The following MMP26 variants were observed in gnomAD, a reference collection of about 807,000 sequenced individuals.
MMP26 encodes the protein matrix metallopeptidase 26.
Under a neutral mutation model 31.0 loss-of-function variants are expected in MMP26, and 33 were observed. The observed-to-expected ratio is 1.06, with a 90% CI of 0.81 to 1.42. The LOEUF (loss-of-function observed/expected upper bound fraction) is 1.42. Among genes scored for constraint, MMP26 ranks in the 40% most tolerant of loss-of-function variants. The pLI, the probability that MMP26 is intolerant of heterozygous loss-of-function variation, is 0.00. For missense variants in MMP26, 347 were observed against 316.1 expected, an observed-to-expected ratio of 1.10 and a Z score of -0.74; for synonymous variants, 122 against 114.9, an observed-to-expected ratio of 1.06 and a Z score of -0.40.
At chr11:4,729,081 C>A (rs1848139728) in intron 1 of MMP26, among the ~76,000 whole-genome samples, 1 of 151,256 alleles carries the variant, frequency 6.6e-6, no homozygotes, top group African/African-American at 2.4e-5. Context: ...CAATTTTTTG[C>A]CATGACTAAA....
chr11:4,923,435 C>T lies in MMP26; in HGVS notation c.-144-64633C>T, dbSNP rs764009160. Reference sequence around the variant, plus strand: ...CTGAAACTTCTTAATGATGCGCTGGCGAATTTGCTTGGTCTTGATGCTGTA... The same window carrying T: ...CTGAAACTTCTTAATGATGCGCTGGTGAATTTGCTTGGTCTTGATGCTGTA... On this transcript the variant is annotated intron_variant, in intron 2 of 7. Coordinates refer to ENST00000380390, the MANE Select transcript of MMP26 (RefSeq NM_021801.5). The T allele has an allele frequency of 3.8e-6, 6 of 1,599,612 alleles. No individual in the cohort carries two copies. The highest frequency in any genetic ancestry group is 3.4e-6 in the Non-Finnish European group (4 of 1,171,708).
intron 6 of MMP26, 143 bp from the exon 7 acceptor site, chr11:4,991,821 C>T: frequency 2.6e-6 from 2 of 763,890 alleles, no homozygotes; most frequent in Non-Finnish European, 2.0e-6. Context: ...TTCTTTCCCT[C>T]CTTGCCTACC....
At chr11:4,880,010 T>C (rs1337060155) in intron 2 of MMP26, among the ~76,000 whole-genome samples, 3 of 152,142 alleles carry the variant, frequency 2.0e-5, no homozygotes, top group African/African-American at 7.2e-5. Flanking sequence ...TATTACTGTC[T>C]GCCTCCAGGG....
intron 1 of MMP26, among the ~76,000 whole-genome samples, chr11:4,726,976 A>G (rs370302711): frequency 6.6e-6 from 1 of 152,188 alleles, no homozygotes; most frequent in Non-Finnish European, 1.5e-5. Context: ...TGATTATGCC[A>G]TTGCACTCCA....
chr11:4,902,574 T>G (rs1010792527), intron 2 of MMP26, among the ~76,000 whole-genome samples: 2 of 152,200 alleles, frequency 1.3e-5, no homozygotes, highest in African/African-American at 2.4e-5. Context: ...ACTTTTTAGT[T>G]GTGTTGTTTG....
At chr11:4,814,621 C>G (rs565604532) in intron 2 of MMP26, among the ~76,000 whole-genome samples, 1 of 152,196 alleles carries the variant, frequency 6.6e-6, no homozygotes, top group South Asian at 2.1e-4. Context: ...TTCTACAAAC[C>G]AGGTTGTGTT....
intron 2 of MMP26, among the ~76,000 whole-genome samples, chr11:4,863,050 T>A (rs1399877196): frequency 6.6e-6 from 1 of 152,164 alleles, no homozygotes; most frequent in African/African-American, 2.4e-5. Flanking sequence ...ACCAGCTGGT[T>A]CATCCCTACT....
rs779494395 is a variant in MMP26, at chr11:4,991,445, C to G, written c.544C>G (p.Pro182Ala). The G allele has an allele frequency of 3.5e-5, 57 of 1,613,874 alleles. 2 individuals carry two copies. In the South Asian group the frequency reaches 5.6e-4, roughly 16 times the overall value. Residue 182 changes from proline (P) to alanine (A), a missense_variant, in exon 6 of 8, where the codon CCT becomes GCT. Pro to Ala is a conservative substitution (Grantham distance 27). Transcript: ENST00000380390. ...GHAFLPNSGN[P>A]GVVHFDKNEH... ...TGCCTTTTTACCAAATTCTGGAAAT[C>G]CTGGAGTTGTCCATTTTGACAAGAA...
chr11:4,788,364 G>A (rs1012588534), intron 2 of MMP26, among the ~76,000 whole-genome samples: 1 of 151,856 alleles, frequency 6.6e-6, no homozygotes, highest in African/African-American at 2.4e-5. Context: ...GTAGATTTGA[G>A]AGAATTGAGG....
Position 4,927,275 on chromosome 11 carries a change from T to C in MMP26, c.-144-60793T>C, listed in dbSNP as rs191752318. On this transcript the variant is annotated intron_variant, in intron 2 of 7. Transcript: ENST00000380390. ...GTACAATCATGACCTTATTTTAGTA[T>C]AGAGCTTAATTGTTACAAAGTGCTG... 1.8e-4 allele frequency among the ~76,000 whole-genome samples: 28 copies of C among 152,296 alleles called. No individual in the cohort carries two copies. The East Asian group carries it at 4.1e-3, about 22-fold the overall frequency.
At chr11:4,907,095 T>TAAAAAAAAAAAAAAAAAAAAAAAA (rs3065178) in intron 2 of MMP26, among the ~76,000 whole-genome samples, 15 of 55,122 alleles carry the variant, frequency 2.7e-4, no homozygotes, top group African/African-American at 8.5e-4. Context: ...AAACTCCCTC[T>TAAAAAAAAAAAAAAAAAAAAAAAA]AAAAAAAAAA....
rs200709178 is a variant in MMP26, at chr11:4,820,395, G to GT, written c.-145+53062dup. Among the ~76,000 whole-genome samples the GT allele has an allele frequency of 8.4e-3, 1,270 of 151,924 alleles. 20 individuals carry two copies. The highest frequency in any genetic ancestry group is 0.028 in the African/African-American group (1,145 of 41,430). On this transcript the variant is annotated intron_variant, in intron 2 of 7. Coordinates refer to ENST00000380390, the MANE Select transcript of MMP26 (RefSeq NM_021801.5). ...ATGTTCAAGAAATGCTGGCTATTGT[G>GT]TTTTTTTTATTTTGATACTAGTCTG...
intron 2 of MMP26, among the ~76,000 whole-genome samples, chr11:4,970,964 A>G (rs1846658503): frequency 6.6e-6 from 1 of 152,220 alleles, no homozygotes; most frequent in Non-Finnish European, 1.5e-5. Context: ...CTGGTGGAGC[A>G]CACAGTCGGC....
rs1437078457 is a variant in MMP26, at chr11:4,948,150, T to A, written c.-144-39918T>A. On this transcript the variant is annotated intron_variant, in intron 2 of 7. Transcript: ENST00000380390. ...TTTTTCTCCCTTACCAAATCTTCCCTGTTTAAGGGACCTACTTCGGTAATA... is the reference window on the plus strand; with the variant it reads ...TTTTTCTCCCTTACCAAATCTTCCCAGTTTAAGGGACCTACTTCGGTAATA... Among the ~76,000 whole-genome samples, 4 of 124,886 alleles carry A rather than the reference T, an allele frequency of 3.2e-5. 2 individuals carry two copies. Among genetic ancestry groups the A allele is most frequent in the Non-Finnish European group, 3.6e-5 (2 of 55,024 alleles). 81.9% of individuals were successfully genotyped at this position (124,886 alleles called of 152,430 possible).
intron 2 of MMP26, chr11:4,822,147 C>G (rs758931626): frequency 6.2e-7 from 1 of 1,613,566 alleles, no homozygotes; most frequent in Non-Finnish European, 8.5e-7. Context: ...CCTTCAACAC[C>G]TGCACATCCC....
intron 2 of MMP26, chr11:4,923,350 A>C: frequency 6.6e-7 from 1 of 1,519,578 alleles, no homozygotes; most frequent in Non-Finnish European, 8.8e-7. Flanking sequence ...CTTTATGTCC[A>C]AAACTTCCTC....
At chr11:4,750,949 A>G (rs1395770424) in intron 1 of MMP26, among the ~76,000 whole-genome samples, 1 of 152,060 alleles carries the variant, frequency 6.6e-6, no homozygotes, top group East Asian at 1.9e-4. Flanking sequence ...ATACAGATTT[A>G]TTGGATGTGG....
intron 1 of MMP26, among the ~76,000 whole-genome samples, chr11:4,721,732 A>G (rs1365906745): frequency 2.6e-5 from 4 of 152,104 alleles, no homozygotes; most frequent in African/African-American, 9.7e-5. Flanking sequence ...GCTTTTCTTC[A>G]TGCTTCAGGG....
intron 2 of MMP26, among the ~76,000 whole-genome samples, chr11:4,921,346 G>A (rs1383846926): frequency 6.6e-6 from 1 of 152,182 alleles, no homozygotes; most frequent in Non-Finnish European, 1.5e-5. Context: ...GGCCCAGCAT[G>A]AGTAAGTGGA....
Sources: gnomAD v4.1 joint callset for allele counts (sites outside exome capture counted in the v4.1 genomes callset) on GRCh38, gnomAD v4.1.1 for gene constraint, MANE v1.5 for transcripts, NCBI Gene and HGNC (gene_info 2026-07-23, HGNC 2026-07-21) for gene names.